Variants in WDR11 observed in about 807,000 individuals in gnomAD.
The protein encoded by WDR11 is WD repeat domain 11, also known as WD repeat-containing protein 11.
Under a neutral mutation model 151.2 loss-of-function variants are expected in WDR11, and 83 were observed. The ratio of observed to expected loss-of-function variants is 0.55; its 90% confidence interval spans 0.46 to 0.66. The LOEUF (loss-of-function observed/expected upper bound fraction) is 0.66. Among genes scored for constraint, WDR11 ranks in the 30% least tolerant of loss-of-function variants. WDR11 has a pLI of 0.00. For synonymous variants in WDR11, 484 were observed against 533.1 expected, an observed-to-expected ratio of 0.91 and a Z score of 1.27; for missense variants, 1,301 against 1,480.9, an observed-to-expected ratio of 0.88 and a Z score of 1.99.
chr10:120,874,185 TTTTTTTTGTTGTTG>T (rs1350828030), intron 11 of WDR11, among the ~76,000 whole-genome samples: 10 of 64,444 alleles, frequency 1.6e-4, no homozygotes, highest in African/African-American at 4.4e-4. Context: ...AGTTTTTTTT[TTTTTTTTGTTGTTG>T]TTGTTGTTGT....
At position 120,900,470 on chromosome 10, in the gene WDR11, T is replaced by C. The variant is rs77495170; in HGVS notation, c.2624+333T>C. Among the ~76,000 whole-genome samples the C allele has an allele frequency of 7.5e-3, 1,137 of 152,262 alleles. 10 individuals carry two copies. The highest frequency in any genetic ancestry group is 0.025 in the African/African-American group (1,053 of 41,540). ...GAATTTGGAGCCGGGCACGTTCTTT[T>C]TAAAAGCAGCATCATTAGCTTCAGG... On this transcript the variant is annotated intron_variant, in intron 20 of 28. Transcript: ENST00000263461.
intron 10 of WDR11, among the ~76,000 whole-genome samples, chr10:120,873,315 A>C (rs948310066): frequency 1.1e-4 from 17 of 152,214 alleles, no homozygotes; most frequent in African/African-American, 3.9e-4. Flanking sequence ...AGGAAGAGCC[A>C]GGGCTTAAGC....
At chr10:120,902,831 T>A (rs542093772) in intron 22 of WDR11, among the ~76,000 whole-genome samples, 2 of 152,228 alleles carry the variant, frequency 1.3e-5, no homozygotes, top group South Asian at 4.1e-4. Flanking sequence ...AACAGAAAGA[T>A]GCTGGAGTCT....
chr10:120,879,715 A>AC (rs1846930656), intron 12 of WDR11: 1 of 152,188 alleles, frequency 6.6e-6, no homozygotes, highest in African/African-American at 2.4e-5. Flanking sequence ...TGCAGTCAGG[A>AC]CAGGACATGG....
chr10:120,896,773 G>A (rs1847628571), intron 19 of WDR11, among the ~76,000 whole-genome samples: 1 of 152,158 alleles, frequency 6.6e-6, no homozygotes. Flanking sequence ...GATATGGATG[G>A]GAAATGGCGG....
At chr10:120,871,132 C>G (rs376618127) in intron 9 of WDR11, 38 bp from the exon 10 acceptor site, 2 of 1,603,632 alleles carry the variant, frequency 1.2e-6, no homozygotes, top group Non-Finnish European at 8.5e-7. Context: ...TCAGCATACA[C>G]TGTAGTTAAT....
intron 19 of WDR11, 73 bp from the exon 20 acceptor site, chr10:120,899,956 A>G (rs1479686279): frequency 7.8e-7 from 1 of 1,280,632 alleles, no homozygotes; most frequent in Non-Finnish European, 1.1e-6. Flanking sequence ...TGCTCTGTAA[A>G]TGGTTTATAG....
Position 120,871,209 on chromosome 10 carries a change from C to T in WDR11, c.1334C>T (p.Ser445Leu), listed in dbSNP as rs1846525927. ...GCTGGGGAAGAACATCCCAGAGGTTCAATTCTGCGGGAAGTGCACCTCAAG... is the reference window on the plus strand; with the variant it reads ...GCTGGGGAAGAACATCCCAGAGGTTTAATTCTGCGGGAAGTGCACCTCAAG... ...AIAGEEHPRG[S>L]ILREVHLKFL... Residue 445 changes from serine (S) to leucine (L), a missense_variant, in exon 10 of 29, where the codon TCA becomes TTA. This residue lies in a region of WDR11 where 692 missense variants were observed against 762.5 expected (regional missense o/e 0.91). Transcript: ENST00000263461. 6.8e-6 allele frequency: 11 copies of T among 1,614,146 alleles called. No individual in the cohort carries two copies. Among genetic ancestry groups the T allele is most frequent in the African/African-American group, 1.3e-5 (1 of 75,026 alleles).
At chr10:120,868,776 C>T (rs570532131) in intron 9 of WDR11, 52 of 152,240 alleles carry the variant, frequency 3.4e-4, no homozygotes, top group African/African-American at 1.2e-3. Flanking sequence ...GACCATCATT[C>T]ATCTCTAGGC....
intron 2 of WDR11, among the ~76,000 whole-genome samples, chr10:120,855,041 CA>C (rs2133723697): frequency 6.6e-6 from 1 of 152,218 alleles, no homozygotes; most frequent in South Asian, 2.1e-4. Context: ...TGTTTTGTCT[CA>C]TACATACTTA....
rs140557879 is a variant in WDR11 at position 120,864,910 on chromosome 10, C to T, written c.714-137C>T. ...TAGTAGAGATCTAAGTTTTGGATGC[C>T]AACCCATGTTGGTCACTTCAGGGAA... On this transcript the variant is annotated intron_variant, in intron 5 of 28. Transcript: ENST00000263461. 221 of 954,494 alleles carry T rather than the reference C, an allele frequency of 2.3e-4. 2 individuals carry two copies. In the East Asian group the frequency reaches 5.5e-3, roughly 24 times the overall value. 59.1% of individuals were successfully genotyped at this position (954,494 alleles called of 1,614,324 possible).
intron 17 of WDR11, 47 bp downstream of exon 17, chr10:120,889,231 T>C: frequency 7.0e-7 from 1 of 1,421,570 alleles, no homozygotes; most frequent in East Asian, 2.3e-5. Context: ...AAAAAAGAAA[T>C]GAAATCTTTT....
At chr10:120,861,363 TG>T in intron 4 of WDR11, among the ~76,000 whole-genome samples, 1 of 152,214 alleles carries the variant, frequency 6.6e-6, no homozygotes, top group South Asian at 2.1e-4. Context: ...TGTTTGTATA[TG>T]GACGTGTGCA....
chr10:120,896,230 C>G (rs113754099), intron 19 of WDR11, among the ~76,000 whole-genome samples: 2 of 152,026 alleles, frequency 1.3e-5, no homozygotes, highest in Non-Finnish European at 1.5e-5. Context: ...TGTACAAAGG[C>G]GGATTTTATA....
rs10886789 is a variant in WDR11 at position 120,865,167 on chromosome 10, G to A, written c.834G>A (p.Thr278=). 0.34 allele frequency: 543,744 copies of A among 1,613,198 alleles called. 94,155 individuals carry two copies. The highest frequency in any genetic ancestry group is 0.48 in the Admixed American group (28,739 of 59,994). Residue 278 remains threonine (T), a synonymous_variant, in exon 6 of 29, where the codon ACG becomes ACA. Transcript: ENST00000263461. ...TCCTTGACCTTGAGGTGAATCAGAC[G>A]GTGGGTGTGATTGCAATAGAACGCA... The part of the protein sequence containing the change: ...ILILDLEVNQ[T]VGVIAIERTG...
intron 19 of WDR11, among the ~76,000 whole-genome samples, chr10:120,893,036 T>C (rs1342462957): frequency 6.6e-6 from 1 of 151,994 alleles, no homozygotes; most frequent in Non-Finnish European, 1.5e-5. Flanking sequence ...TATTATACTT[T>C]AAGTTTTAGG....
intron 6 of WDR11, among the ~76,000 whole-genome samples, 181 bp downstream of exon 6, chr10:120,865,393 C>T (rs554692391): frequency 9.2e-5 from 14 of 151,942 alleles, no homozygotes; most frequent in Non-Finnish European, 2.1e-4. Flanking sequence ...GTTTGATTTA[C>T]CCTAGAAATT....
rs1162459784 is a variant in WDR11 at position 120,866,853 on chromosome 10, G to A, written c.1190+89G>A. On this transcript the variant is annotated intron_variant, in intron 8 of 28. Coordinates refer to ENST00000263461, the MANE Select transcript of WDR11 (RefSeq NM_018117.12). ...CCATAATCATAAAAATAGGAGGGCT[G>A]GTTTTCTATAAAAATATTTTTAAGG... 3 of 1,418,086 alleles carry A rather than the reference G, an allele frequency of 2.1e-6. No individual in the cohort carries two copies. The Admixed American group carries it at 6.0e-5, about 28-fold the overall frequency. 87.8% of individuals were successfully genotyped at this position (1,418,086 alleles called of 1,614,324 possible).
At chr10:120,881,306 A>G (rs552930596) in intron 13 of WDR11, among the ~76,000 whole-genome samples, 1 of 152,314 alleles carries the variant, frequency 6.6e-6, no homozygotes, top group Non-Finnish European at 1.5e-5. Flanking sequence ...CTGAATGAAA[A>G]TCAATCAAAA....
Sources: allele counts gnomAD v4.1 joint callset (sites outside exome capture counted in the v4.1 genomes callset), GRCh38; gene constraint gnomAD v4.1.1; regional missense constraint gnomAD v4.1.1; transcripts MANE v1.5; gene names NCBI Gene and HGNC (gene_info 2026-07-23, HGNC 2026-07-21).